Variants in ZFAT observed in about 807,000 individuals in gnomAD.
ZFAT encodes zinc finger and AT-hook domain containing.
Under a neutral mutation model 117.7 loss-of-function variants are expected in ZFAT, and 64 were observed. That is an observed-to-expected ratio of 0.54 (90% CI 0.44 to 0.67). The LOEUF (loss-of-function observed/expected upper bound fraction) is 0.67. ZFAT is among the 30% of genes least tolerant of loss of function. The probability of loss-of-function intolerance (pLI) is 0.00; values close to 1 mark genes in which losing one functional copy is unlikely to be tolerated. For missense variants in ZFAT, 1,433 were observed against 1,584.5 expected (o/e 0.90, Z 1.62); for synonymous variants, 679 against 615.0 (o/e 1.10, Z -1.54).
At chr8:134,503,758 T>G (rs993545478) in intron 15 of ZFAT, among the ~76,000 whole-genome samples, 3 of 152,176 alleles carry the variant, frequency 2.0e-5, no homozygotes, top group African/African-American at 7.2e-5. Context: ...GCCTTTGATC[T>G]CAAGCTGAAA....
chr8:134,496,360 G>A (rs904903076), intron 15 of ZFAT, among the ~76,000 whole-genome samples: 8 of 152,210 alleles, frequency 5.3e-5, no homozygotes, highest in African/African-American at 1.9e-4. Context: ...CTGTGCCAAG[G>A]ACTCCTCCAT....
intron 7 of ZFAT, among the ~76,000 whole-genome samples, chr8:134,591,601 A>G (rs1036306100): frequency 5.3e-5 from 8 of 152,182 alleles, no homozygotes; most frequent in African/African-American, 1.9e-4. Flanking sequence ...TTATTTGGAG[A>G]TAGGGTCTTT....
At chr8:134,746,372 A>G in the ZFAT span, among the ~76,000 whole-genome samples, 1 of 152,218 alleles carries the variant, frequency 6.6e-6, no homozygotes, top group Non-Finnish European at 1.5e-5. Flanking sequence ...TGTTTGTGCT[A>G]TGTCTAAAAC....
Position 134,486,771 on chromosome 8 carries a change from T to C in ZFAT, c.3493-8050A>G, listed in dbSNP as rs118021270. On this transcript the variant is annotated intron_variant, in intron 15 of 15. Coordinates refer to ENST00000377838, the MANE Select transcript of ZFAT (RefSeq NM_020863.4). The stretch of plus-strand genomic sequence containing the variant: ...ACAGAGAATGTAGTGAGCACCACGA[T>C]GAGCAGGACTTGATGAGATCAGGCA... Among the ~76,000 whole-genome samples the C allele has an allele frequency of 1.4e-4, 21 of 152,120 alleles. No individual in the cohort carries two copies. The East Asian group carries it at 4.1e-3, about 29-fold the overall frequency.
intron 1 of ZFAT, among the ~76,000 whole-genome samples, chr8:134,688,929 CAGG>C (rs1563765174): frequency 1.3e-5 from 2 of 152,258 alleles, no homozygotes; most frequent in African/African-American, 4.8e-5. Flanking sequence ...TTTCAAAATG[CAGG>C]AGTTTATTCC....
intron 12 of ZFAT, among the ~76,000 whole-genome samples, chr8:134,525,829 A>G (rs1477290521): frequency 6.6e-6 from 1 of 152,256 alleles, no homozygotes; most frequent in Non-Finnish European, 1.5e-5. Flanking sequence ...ATTCTAGAAT[A>G]TTCTGCTGAA....
At chr8:134,542,385 A>G (rs1822322017) in intron 11 of ZFAT, among the ~76,000 whole-genome samples, 1 of 152,334 alleles carries the variant, frequency 6.6e-6, no homozygotes, top group African/African-American at 2.4e-5. Context: ...GGTTTGGTGT[A>G]CAGATAATTT....
At chr8:134,769,516 G>T in the ZFAT span, among the ~76,000 whole-genome samples, 173 of 152,316 alleles carry the variant, frequency 1.1e-3, no homozygotes, top group Non-Finnish European at 2.2e-3. Context: ...GCAGGGTACA[G>T]CTTCCCTCCC....
chr8:134,549,419 C>A (rs369172905), intron 11 of ZFAT, among the ~76,000 whole-genome samples: 1 of 139,694 alleles, frequency 7.2e-6, no homozygotes, highest in Admixed American at 7.8e-5. Context: ...CCAGCCTGGG[C>A]GACAGAGCGA....
intron 3 of ZFAT, among the ~76,000 whole-genome samples, chr8:134,635,038 G>A (rs369605353): frequency 6.6e-6 from 1 of 152,170 alleles, no homozygotes; most frequent in Non-Finnish European, 1.5e-5. Flanking sequence ...AGCGAGTGTC[G>A]CAGCTGATCT....
chr8:134,543,472 T>A (rs1012766341), intron 11 of ZFAT, among the ~76,000 whole-genome samples: 1 of 152,276 alleles, frequency 6.6e-6, no homozygotes, highest in African/African-American at 2.4e-5. Context: ...ACTCCCCACC[T>A]GCTCTCTCTA....
intron 3 of ZFAT, among the ~76,000 whole-genome samples, chr8:134,628,697 A>C (rs1829687199): frequency 6.6e-6 from 1 of 152,230 alleles, no homozygotes; most frequent in South Asian, 2.1e-4. Context: ...ACAGCAGTCT[A>C]TGTATCTGAG....
intron 15 of ZFAT, among the ~76,000 whole-genome samples, chr8:134,507,894 C>T (rs1295396390): frequency 6.6e-6 from 1 of 152,182 alleles, no homozygotes; most frequent in African/African-American, 2.4e-5. Context: ...CCAGGTCCAG[C>T]TGGGGACTCC....
At chr8:134,824,814 A>G in the ZFAT span, among the ~76,000 whole-genome samples, 1 of 152,246 alleles carries the variant, frequency 6.6e-6, no homozygotes, top group Admixed American at 6.5e-5. Context: ...AGTTAAAACT[A>G]TCATTTAAAT....
the ZFAT span, among the ~76,000 whole-genome samples, chr8:134,829,285 T>C: frequency 5.4e-4 from 83 of 152,384 alleles, no homozygotes; most frequent in Non-Finnish European, 5.3e-4. Flanking sequence ...TCATTAGTTA[T>C]TGTTAATGCA....
At chr8:134,813,801 T>TACACACACAC in the ZFAT span, among the ~76,000 whole-genome samples, 24 of 147,134 alleles carry the variant, frequency 1.6e-4, no homozygotes, top group African/African-American at 4.0e-4. Context: ...TTTGATTTTA[T>TACACACACAC]ACACACACAC....
At chr8:134,582,684 T>C (rs2130844186) in intron 10 of ZFAT, among the ~76,000 whole-genome samples, 1 of 152,322 alleles carries the variant, frequency 6.6e-6, no homozygotes, top group Non-Finnish European at 1.5e-5. Context: ...TGATCTTTAA[T>C]TCTGATGAAT....
At chr8:134,557,855 A>G (rs908025764) in intron 11 of ZFAT, among the ~76,000 whole-genome samples, 5 of 152,250 alleles carry the variant, frequency 3.3e-5, no homozygotes, top group African/African-American at 9.6e-5. Flanking sequence ...ACATACACAC[A>G]TGTAGGCACA....
At chr8:134,508,459 C>T (rs560741893) in intron 15 of ZFAT, among the ~76,000 whole-genome samples, 1 of 152,196 alleles carries the variant, frequency 6.6e-6, no homozygotes, top group Non-Finnish European at 1.5e-5. Flanking sequence ...TTTTCTGTTA[C>T]ACAATTCAGT....
Sources: allele counts gnomAD v4.1 joint callset (sites outside exome capture counted in the v4.1 genomes callset), GRCh38; gene constraint gnomAD v4.1.1; transcripts MANE v1.5; gene names NCBI Gene and HGNC (gene_info 2026-07-23, HGNC 2026-07-21).